The following MUC5B variants were observed in gnomAD, a reference collection of about 807,000 sequenced individuals.
The protein encoded by MUC5B is mucin 5B, oligomeric mucus/gel-forming, also known as mucin-5B.
MUC5B carries 116 observed loss-of-function variants against 376.9 expected under a neutral mutation model. The ratio of observed to expected loss-of-function variants is 0.31; its 90% CI spans 0.26 to 0.36. The LOEUF is 0.36. MUC5B is among the 10% of genes least tolerant of loss of function. The probability of loss-of-function intolerance (pLI) is 1.00; values close to 1 mark genes in which losing one functional copy is unlikely to be tolerated. For synonymous variants in MUC5B, 3,517 were observed against 3,390.9 expected, an observed-to-expected ratio of 1.04 and a Z score of -1.29; for missense variants, 7,165 against 7,769.9, an observed-to-expected ratio of 0.92 and a Z score of 2.93.
In MUC5B at chr11:1,261,870, G is replaced by A; in HGVS notation, c.*262G>A. 1.5e-6 allele frequency: 1 copy of A among 681,750 alleles called. No individual in the cohort carries two copies. Among genetic ancestry groups the A allele is most frequent in the East Asian group, 2.8e-5 (1 of 35,822 alleles). 42.2% of individuals were successfully genotyped at this position (681,750 alleles called of 1,614,324 possible). ...CACCTTGGCCTTGCCCCTCCCTGAT[G>A]TCACTGGGACGCCCTGGAACAAACT... is the stretch of plus-strand genomic sequence containing the variant. On this transcript the variant is annotated 3_prime_UTR_variant, in exon 49 of 49. Transcript: ENST00000529681.
chr11:1,223,573 C>G (rs962562258), intron 1 of MUC5B, among the ~76,000 whole-genome samples: 2 of 152,174 alleles, frequency 1.3e-5, no homozygotes, highest in Admixed American at 1.3e-4. Context: ...TGAGCAGGGG[C>G]AGGCTTAGCG....
chr11:1,226,325 C>T (rs1368073364), intron 3 of MUC5B, 49 bp downstream of exon 3: 1 of 1,541,190 alleles, frequency 6.5e-7, no homozygotes, highest in Non-Finnish European at 8.8e-7. Flanking sequence ...TTTGCCAGTC[C>T]CAAAGGTGGG....
At chr11:1,225,574 A>T (rs1861860643) in intron 1 of MUC5B, 107 bp from the exon 2 acceptor site, 3 of 984,684 alleles carry the variant, frequency 3.0e-6, no homozygotes, top group Admixed American at 4.6e-5. Flanking sequence ...GCCACCAAGG[A>T]CCCCACATGC....
Position 1,243,477 on chromosome 11 carries a change from G to A in MUC5B, c.6597G>A (p.Gly2199=), listed in dbSNP as rs201366384. Residue 2199 remains glycine, a synonymous_variant, in exon 31 of 49, where the codon GGG becomes GGA. Coordinates refer to ENST00000529681, the MANE Select transcript of MUC5B (RefSeq NM_002458.3). ...PVPNTMATTH[G]RSLPPSSPHT... is the part of the protein sequence containing the mutation. ...CGAACACCATGGCCACCACACACGG[G>A]CGATCCCTGCCCCCCAGCAGTCCCC... is the stretch of plus-strand genomic sequence containing the variant. 2.7e-5 allele frequency: 41 copies of A among 1,540,764 alleles called. 7 individuals are homozygous for A. Among genetic ancestry groups the A allele is most frequent in the Non-Finnish European group, 3.5e-5 (40 of 1,131,526 alleles).
chr11:1,235,286 G>C lies in MUC5B; in HGVS notation c.2770-17G>C, dbSNP rs754686004. 1 of 1,610,954 alleles carries C rather than the reference G, an allele frequency of 6.2e-7. No individual in the cohort carries two copies. Among genetic ancestry groups the C allele is most frequent in the Non-Finnish European group, 8.5e-7 (1 of 1,178,028 alleles). ...CACTCCAGCCCGCGGCCAGCAGCTT[G>C]TCTCTTTCTGGCCCAGGACTACTGT... On this transcript the variant is annotated splice_polypyrimidine_tract_variant and intron_variant, in intron 22 of 48. Transcript: ENST00000529681.
chr11:1,261,343 C>A, intron 48 of MUC5B, 46 bp from the exon 49 acceptor site: 1 of 1,502,780 alleles, frequency 6.7e-7, no homozygotes, highest in Non-Finnish European at 8.9e-7. Context: ...GGCAGAGAAA[C>A]GGCGGGGCCA....
intron 15 of MUC5B, 91 bp from the exon 16 acceptor site, chr11:1,232,359 T>C: frequency 1.4e-6 from 2 of 1,445,576 alleles, no homozygotes; most frequent in Non-Finnish European, 1.9e-6. Flanking sequence ...TCCAACTCAC[T>C]GTTCCCCGGG....
In MUC5B at chr11:1,245,975, C is replaced by A; in HGVS notation, c.9095C>A (p.Pro3032His). 6.2e-7 allele frequency: 1 copy of A among 1,613,148 alleles called. No homozygotes were observed. ...PKVLTSTATTPTATSSKATSS... is the reference protein window; with the variant it reads ...PKVLTSTATTHTATSSKATSS... ...GTGCTGACCAGCACGGCCACCACAC[C>A]CACAGCCACCAGTTCCAAAGCCACT... The change falls in exon 31 of 49, where the codon CCC becomes CAC. Residue 3032 changes from proline to histidine, a missense_variant. Transcript: ENST00000529681.
chr11:1,242,663 C>A lies in MUC5B; in HGVS notation c.5783C>A (p.Ser1928Tyr), dbSNP rs747664295. Reference sequence around the variant, plus strand: ...ACTGGATCCACGGCCACCCCGACCTCCACCCTGAGAACAGCTCCCCCTCCC... The same window carrying A: ...ACTGGATCCACGGCCACCCCGACCTACACCCTGAGAACAGCTCCCCCTCCC... The part of the protein sequence containing the change: ...ASTGSTATPT[S>Y]TLRTAPPPKV... The change falls in exon 31 of 49, where the codon TCC (serine) becomes TAC (tyrosine). Residue 1928 changes from serine (S) to tyrosine (Y), a missense_variant. Physicochemically the swap from Ser to Tyr is moderately radical, Grantham distance 144 (BLOSUM62 -2). Coordinates refer to ENST00000529681, the MANE Select transcript of MUC5B (RefSeq NM_002458.3). 1 of 1,613,562 alleles carries A rather than the reference C, an allele frequency of 6.2e-7. No homozygotes were observed. Among genetic ancestry groups the A allele is most frequent in the East Asian group, 2.2e-5 (1 of 44,884 alleles).
rs766209743 is a variant in MUC5B, at chr11:1,239,542, C to T, written c.3559C>T (p.Leu1187=). ...KTCRNPSGHC[L]VDLPGLEGCY... ...CTGCCGGAACCCCAGTGGGCACTGC[C>T]TGGTGGACCTGCCTGGCCTGGAAGG... Residue 1187 remains leucine (L), a synonymous_variant, in exon 27 of 49, where the codon CTG becomes TTG. Transcript: ENST00000529681. 6.3e-7 allele frequency: 1 copy of T among 1,590,554 alleles called. No individual in the cohort carries two copies. The highest frequency in any genetic ancestry group is 8.6e-7 in the Non-Finnish European group (1 of 1,164,662).
In MUC5B at chr11:1,257,363, G is replaced by A. The variant is rs940025630; in HGVS notation, c.16269+92G>A. 1.2e-6 allele frequency: 1 copy of A among 862,352 alleles called. No individual in the cohort carries two copies. Among genetic ancestry groups the A allele is most frequent in the Non-Finnish European group, 2.0e-6 (1 of 502,578 alleles). 53.4% of individuals were successfully genotyped at this position (862,352 alleles called of 1,614,324 possible). On this transcript the variant is annotated intron_variant, in intron 40 of 48. Transcript: ENST00000529681. This position sits in a 1 kb window ranked among gnomAD's most constrained non-coding sequence, Gnocchi z 8.9. Reference sequence around the variant, plus strand: ...CATCCCCATCCCACAGGGCAGCTGTGGGGCGCCCGAGTGTGACGTGGACGT... The same window carrying A: ...CATCCCCATCCCACAGGGCAGCTGTAGGGCGCCCGAGTGTGACGTGGACGT...
chr11:1,229,076 A>G, intron 8 of MUC5B, 94 bp from the exon 9 acceptor site: 2 of 1,377,756 alleles, frequency 1.5e-6, no homozygotes, highest in Non-Finnish European at 9.6e-7. Flanking sequence ...TGTGGACTTG[A>G]TGGCATGTGG....
In MUC5B at chr11:1,233,853, G is replaced by A. The variant is rs751026165; in HGVS notation, c.2377+5G>A. 3 of 1,587,136 alleles carry A rather than the reference G, an allele frequency of 1.9e-6. No homozygotes were observed. In the Admixed American group the frequency reaches 5.3e-5, roughly 28 times the overall value. On this transcript the variant is annotated splice_donor_5th_base_variant and intron_variant, in intron 19 of 48. Coordinates refer to ENST00000529681, the MANE Select transcript of MUC5B (RefSeq NM_002458.3). ...CCTCTCTGCAGAAAAGCACAGGTAA[G>A]TGCCACCCCTGCCCTGCCCTGCCCT...
At position 1,256,674 on chromosome 11, in the gene MUC5B, C is replaced by T. The variant is rs1474548647; in HGVS notation, c.16140C>T (p.Asn5380=). 6.4e-7 allele frequency: 1 copy of T among 1,562,622 alleles called. No homozygotes were observed. The highest frequency in any genetic ancestry group is 1.9e-5 in the Admixed American group (1 of 52,300). Residue 5380 remains asparagine (N), a synonymous_variant, in exon 39 of 49, where the codon AAC becomes AAT. Transcript: ENST00000529681. ...PIQPATCNSR[N]QSPQLEGMAE... ...GGCCTCTCTTGTCATCCTGCAGGAA[C>T]CAGAGCCCACAGCTGGAGGGGATGG... is the stretch of plus-strand genomic sequence containing the variant.
rs1329758905 is a variant in MUC5B at position 1,232,531 on chromosome 11, A to C, written c.1925A>C (p.Lys642Thr). The change falls in exon 16 of 49, where the codon AAG (lysine) becomes ACG (threonine). Residue 642 changes from lysine to threonine, a missense_variant. This residue lies in a region of MUC5B where 530 missense variants were observed against 604.0 expected (regional missense o/e 0.88). Coordinates refer to ENST00000529681, the MANE Select transcript of MUC5B (RefSeq NM_002458.3). ...FSRCHSIINP[K>T]PFHSNCMFDT... Reference sequence around the variant, plus strand: ...CGCTGCCACTCCATCATCAACCCCAAGCCCTTCCACTCGGTGAGAGGCTGA... The same window carrying C: ...CGCTGCCACTCCATCATCAACCCCACGCCCTTCCACTCGGTGAGAGGCTGA... 6.2e-7 allele frequency: 1 copy of C among 1,610,910 alleles called. No individual in the cohort carries two copies. Among genetic ancestry groups the C allele is most frequent in the East Asian group, 2.2e-5 (1 of 44,720 alleles).
intron 1 of MUC5B, among the ~76,000 whole-genome samples, chr11:1,223,625 C>T (rs1303799657): frequency 2.6e-5 from 4 of 152,204 alleles, no homozygotes; most frequent in Admixed American, 2.6e-4. Context: ...CACGACCTCC[C>T]TGGGGATCAC....
Position 1,243,783 on chromosome 11 carries a change from C to T in MUC5B, c.6903C>T (p.Pro2301=), listed in dbSNP as rs762073853. ...CCTCGACCCTGCTGCCCAGCAGCCC[C>T]ACATCGGCCCCCATAACCACGGTGG... ...TRTSTLLPSS[P]TSAPITTVVT... The change falls in exon 31 of 49, where the codon CCC becomes CCT. Residue 2301 remains proline (P), a synonymous_variant. Coordinates refer to ENST00000529681, the MANE Select transcript of MUC5B (RefSeq NM_002458.3). 3 of 1,611,736 alleles carry T rather than the reference C, an allele frequency of 1.9e-6. No homozygotes were observed. In the Admixed American group the frequency reaches 5.0e-5, roughly 27 times the overall value.
At position 1,261,508 on chromosome 11, in the gene MUC5B, C is replaced by T. The variant is rs1862993999; in HGVS notation, c.17189C>T (p.Thr5730Ile). 1.2e-6 allele frequency: 2 copies of T among 1,603,790 alleles called. No individual in the cohort carries two copies. Among genetic ancestry groups the T allele is most frequent in the Admixed American group, 1.7e-5 (1 of 58,972 alleles). The change falls in exon 49 of 49, where the codon ACC becomes ATC. Residue 5730 changes from threonine (T) to isoleucine (I), a missense_variant. This residue lies in a region of MUC5B where 842 missense variants were observed against 1,016.9 expected (regional missense o/e 0.83). Coordinates refer to ENST00000529681, the MANE Select transcript of MUC5B (RefSeq NM_002458.3). Reference protein sequence around the residue: ...PNGSAILHTYTHVDECGCTPF... With the variant: ...PNGSAILHTYIHVDECGCTPF... Reference sequence around the variant, plus strand: ...GGCTCAGCCATCCTGCACACCTACACCCACGTGGATGAGTGTGGCTGCACG... The same window carrying T: ...GGCTCAGCCATCCTGCACACCTACATCCACGTGGATGAGTGTGGCTGCACG...
chr11:1,254,476 G>C, intron 34 of MUC5B, 125 bp downstream of exon 34: 2 of 1,402,624 alleles, frequency 1.4e-6, no homozygotes, highest in Non-Finnish European at 1.9e-6. Context: ...GCTCCCAGGG[G>C]GCAGGGAAGG....
Sources: gnomAD v4.1 joint callset for allele counts (sites outside exome capture counted in the v4.1 genomes callset) on GRCh38, gnomAD v4.1.1 for gene constraint, gnomAD v4.1.1 regional missense constraint, Gnocchi (gnomAD v3.1) non-coding constraint, MANE v1.5 for transcripts, NCBI Gene and HGNC (gene_info 2026-07-23, HGNC 2026-07-21) for gene names.